The following NREP variants were observed in gnomAD, a reference collection of about 807,000 sequenced individuals.
The protein encoded by NREP is neuronal regeneration related protein, also known as neuronal regeneration-related protein.
NREP carries 5 observed loss-of-function variants against 8.6 expected under a neutral mutation model. That is an observed-to-expected ratio of 0.58 (90% CI 0.30 to 1.22). The LOEUF is 1.22. Among genes scored for constraint, NREP ranks in the 50% most tolerant of loss-of-function variants. The pLI, the probability that NREP is intolerant of heterozygous loss-of-function variation, is 0.07. For synonymous variants in NREP, 27 were observed against 28.0 expected, an observed-to-expected ratio of 0.96 and a Z score of 0.11; for missense variants, 86 against 82.5, an observed-to-expected ratio of 1.04 and a Z score of -0.17.
intron 2 of NREP, among the ~76,000 whole-genome samples, chr5:111,936,883 G>A (rs1028802764): frequency 2.6e-5 from 4 of 152,050 alleles, no homozygotes; most frequent in African/African-American, 7.2e-5. Flanking sequence ...CTAACACAAG[G>A]TGCTATTTTC....
intron 2 of NREP, among the ~76,000 whole-genome samples, chr5:111,807,010 C>T (rs1293954903): frequency 6.6e-6 from 1 of 151,936 alleles, no homozygotes; most frequent in Non-Finnish European, 1.5e-5. Flanking sequence ...ACAGACTGTG[C>T]TGGGGAATTT....
At chr5:111,728,898 G>T (rs182931014), downstream of NREP, 1 of 143,668 alleles carries the variant, frequency 7.0e-6, no homozygotes, top group African/African-American at 2.9e-5. Flanking sequence ...AGGGAGGTCA[G>T]ATCTCTTTTG....
At chr5:111,932,789 G>A (rs1450963065) in intron 2 of NREP, among the ~76,000 whole-genome samples, 5 of 151,962 alleles carry the variant, frequency 3.3e-5, no homozygotes, top group Admixed American at 2.6e-4. Flanking sequence ...ATACTGCCGC[G>A]GAAGCCAAAG....
chr5:111,755,925 T>G, intron 1 of NREP, 95 bp from the exon 2 acceptor site: 1 of 1,546,894 alleles, frequency 6.5e-7, no homozygotes, highest in Non-Finnish European at 8.7e-7. Context: ...AATAACCATT[T>G]TCTGTGGTTA....
At chr5:111,834,073 C>CT (rs1032341953) in intron 2 of NREP, among the ~76,000 whole-genome samples, 2 of 152,076 alleles carry the variant, frequency 1.3e-5, no homozygotes, top group Admixed American at 6.6e-5. Context: ...TGTCACCTGA[C>CT]TTTTTTTGTG....
At chr5:111,840,726 C>T (rs1012345531) in intron 2 of NREP, among the ~76,000 whole-genome samples, 2 of 152,186 alleles carry the variant, frequency 1.3e-5, no homozygotes, top group Admixed American at 1.3e-4. Flanking sequence ...TAAGATGAAT[C>T]AGACACAATC....
At chr5:111,772,412 T>G (rs1171757605) in intron 2 of NREP, among the ~76,000 whole-genome samples, 1 of 152,188 alleles carries the variant, frequency 6.6e-6, no homozygotes, top group African/African-American at 2.4e-5. Context: ...AATTTTGAGA[T>G]TTTCATCATT....
intron 2 of NREP, among the ~76,000 whole-genome samples, chr5:111,788,242 C>A (rs796426292): frequency 6.6e-6 from 1 of 152,182 alleles, no homozygotes; most frequent in Non-Finnish European, 1.5e-5. Flanking sequence ...GCCAAAATGG[C>A]CAAAATATTT....
chr5:111,886,669 G>C (rs1457061956), intron 2 of NREP, among the ~76,000 whole-genome samples: 1 of 151,052 alleles, frequency 6.6e-6, no homozygotes, highest in Non-Finnish European at 1.5e-5. Context: ...CATGTCCTTT[G>C]TAGGGACATG....
At chr5:111,753,099 T>A (rs988454454) in intron 2 of NREP, among the ~76,000 whole-genome samples, 2 of 151,744 alleles carry the variant, frequency 1.3e-5, no homozygotes, top group African/African-American at 2.4e-5. Flanking sequence ...GAGGCATATT[T>A]ACTAGAAAAC....
chr5:111,787,091 A>C (rs1751630117), intron 2 of NREP, among the ~76,000 whole-genome samples: 2 of 152,168 alleles, frequency 1.3e-5, no homozygotes, highest in Non-Finnish European at 2.9e-5. Flanking sequence ...TAGAACTCTT[A>C]ACTTAGGAAA....
chr5:111,874,997 C>A (rs1753871836), intron 2 of NREP, among the ~76,000 whole-genome samples: 2 of 152,116 alleles, frequency 1.3e-5, no homozygotes, highest in Admixed American at 6.6e-5. Context: ...AACAACCTTT[C>A]CCAGTCACTC....
At chr5:111,847,791 A>G (rs570950720) in intron 2 of NREP, among the ~76,000 whole-genome samples, 3 of 152,218 alleles carry the variant, frequency 2.0e-5, no homozygotes, top group Non-Finnish European at 4.4e-5. Flanking sequence ...GATACAAGAC[A>G]CACAGTTAAC....
chr5:111,746,229 G>A (rs925809112), intron 2 of NREP, among the ~76,000 whole-genome samples: 2 of 151,642 alleles, frequency 1.3e-5, no homozygotes, highest in Non-Finnish European at 2.9e-5. Context: ...AGTTCAAAAA[G>A]TGGTTATCAT....
intron 2 of NREP, among the ~76,000 whole-genome samples, chr5:111,794,443 C>T (rs183965435): frequency 8.0e-4 from 122 of 152,194 alleles, no homozygotes; most frequent in African/African-American, 2.2e-3. Flanking sequence ...TCAGTATGTA[C>T]GCAGGTAAAT....
rs559960386 is a variant in NREP at position 111,853,194 on chromosome 5, T to C, written c.136-117687A>G. On this transcript the variant is annotated intron_variant, in intron 2 of 3. Coordinates refer to the NREP transcript ENST00000395634. Reference sequence around the variant, plus strand: ...TAACATTCTAGGAAAGGCAAAACTATATAGACAGTAGAAAAATCAATGATT... The same window carrying C: ...TAACATTCTAGGAAAGGCAAAACTACATAGACAGTAGAAAAATCAATGATT... Among the ~76,000 whole-genome samples, 3 of 152,130 alleles carry C rather than the reference T, an allele frequency of 2.0e-5. No individual in the cohort carries two copies. The South Asian group carries it at 6.2e-4, about 32-fold the overall frequency.
At chr5:111,784,659 G>C (rs2047517) in intron 2 of NREP, among the ~76,000 whole-genome samples, 148,877 of 152,246 alleles carry the variant, frequency 0.98, 72,884 homozygotes, top group East Asian at 1. Flanking sequence ...GACTTCTCAA[G>C]GTCCTTAGTA....
At chr5:111,931,875 G>A (rs546018829) in intron 2 of NREP, among the ~76,000 whole-genome samples, 24 of 151,904 alleles carry the variant, frequency 1.6e-4, no homozygotes, top group African/African-American at 5.1e-4. Context: ...TAGGCCTTCC[G>A]AAAAAGGAGA....
At chr5:111,762,754 G>GAAA (rs1750990248) in intron 2 of NREP, among the ~76,000 whole-genome samples, 1 of 152,172 alleles carries the variant, frequency 6.6e-6, no homozygotes, top group South Asian at 2.1e-4. Flanking sequence ...AATGCCTGTT[G>GAAA]TTTAAGCCCT....
Sources: allele counts gnomAD v4.1 joint callset (sites outside exome capture counted in the v4.1 genomes callset), GRCh38; gene constraint gnomAD v4.1.1; transcripts MANE v1.5; gene names NCBI Gene and HGNC (gene_info 2026-07-23, HGNC 2026-07-21).